KCNMA1: variants seen among roughly 807,000 people sequenced by gnomAD.
KCNMA1 encodes the protein Calcium-activated potassium channel subunit alpha-1.
A neutral mutation model predicts 140.0 loss-of-function variants in KCNMA1; 29 were observed. That is an observed-to-expected ratio of 0.21 (90% CI 0.15 to 0.28). KCNMA1 has a LOEUF of 0.28. Ranked by LOEUF, KCNMA1 falls within the 10% of genes least tolerant of loss-of-function variation. KCNMA1 has a pLI of 1.00. For synonymous variants in KCNMA1, 612 were observed against 611.9 expected (o/e 1.00, Z 0.00); for missense variants, 880 against 1,602.2 (o/e 0.55, Z 7.70).
At chr10:77,075,811 G>C (rs1270781852) in intron 13 of KCNMA1, among the ~76,000 whole-genome samples, 2 of 152,162 alleles carry the variant, frequency 1.3e-5, no homozygotes, top group Admixed American at 6.5e-5. Context: ...ACTGACCCAG[G>C]AACATAAATC....
At position 76,886,680 on chromosome 10, in the gene KCNMA1, C is replaced by T; in HGVS notation, c.*586G>A. On this transcript the variant is annotated 3_prime_UTR_variant, in exon 28 of 28. Coordinates refer to ENST00000286628, the MANE Select transcript of KCNMA1 (RefSeq NM_001161352.2). ...GATGTTCTCTTGCAACAAGCAGGTC[C>T]TTCATAATCATCTACACAAATCGTG... 1 of 993,998 alleles carries T rather than the reference C, an allele frequency of 1.0e-6. No individual in the cohort carries two copies. Among genetic ancestry groups the T allele is most frequent in the Non-Finnish European group, 1.2e-6 (1 of 834,890 alleles). 61.6% of individuals were successfully genotyped at this position (993,998 alleles called of 1,614,324 possible).
intron 1 of KCNMA1, among the ~76,000 whole-genome samples, chr10:77,460,345 GCTCA>G (rs150129301): frequency 1.1e-3 from 171 of 152,240 alleles, no homozygotes; most frequent in African/African-American, 4.0e-3. Flanking sequence ...TTCTCAAAGA[GCTCA>G]AAATAGAACT....
chr10:77,404,146 T>C (rs1183115092), intron 1 of KCNMA1, 123 bp from the exon 2 acceptor site: 8 of 865,524 alleles, frequency 9.2e-6, no homozygotes, highest in South Asian at 1.4e-5. Flanking sequence ...CTTAAAGGTA[T>C]AGGAGTAAAG....
At chr10:77,284,665 C>T (rs2070075148) in intron 2 of KCNMA1, among the ~76,000 whole-genome samples, 1 of 152,080 alleles carries the variant, frequency 6.6e-6, no homozygotes, top group African/African-American at 2.4e-5. Context: ...AGGCACATGG[C>T]ATCACACCCA....
intron 14 of KCNMA1, among the ~76,000 whole-genome samples, chr10:77,069,964 C>T (rs867554421): frequency 3.3e-5 from 5 of 152,124 alleles, no homozygotes; most frequent in East Asian, 1.9e-4. Flanking sequence ...TACAGGCATG[C>T]GCCACCAGGC....
chr10:77,156,891 C>G (rs2098492212), intron 5 of KCNMA1, among the ~76,000 whole-genome samples: 1 of 152,144 alleles, frequency 6.6e-6, no homozygotes, highest in Non-Finnish European at 1.5e-5. Context: ...GGTTTTACCC[C>G]CAAGCAATCA....
At chr10:77,574,937 C>T (rs2073464451) in intron 1 of KCNMA1, among the ~76,000 whole-genome samples, 1 of 152,096 alleles carries the variant, frequency 6.6e-6, no homozygotes, top group Non-Finnish European at 1.5e-5. Flanking sequence ...TTCAGGAGGC[C>T]CCAGGGCCTG....
intron 24 of KCNMA1, 25 bp from the exon 25 acceptor site, chr10:76,910,121 T>C (rs945077706): frequency 1.9e-6 from 3 of 1,612,768 alleles, no homozygotes; most frequent in Non-Finnish European, 1.7e-6. Flanking sequence ...AAATAAGAAT[T>C]AGCTCTGAAG....
At chr10:77,586,813 C>G (rs1026671611) in intron 1 of KCNMA1, among the ~76,000 whole-genome samples, 3 of 152,184 alleles carry the variant, frequency 2.0e-5, no homozygotes, top group African/African-American at 4.8e-5. Flanking sequence ...TAGGGAAGTA[C>G]AGAGAACTCT....
chr10:77,047,270 G>A (rs1326630889), intron 14 of KCNMA1, among the ~76,000 whole-genome samples: 1 of 152,184 alleles, frequency 6.6e-6, no homozygotes, highest in Non-Finnish European at 1.5e-5. Context: ...GAATGGACTT[G>A]AGCCAAATCT....
At chr10:77,343,527 T>C (rs1746485367) in intron 2 of KCNMA1, among the ~76,000 whole-genome samples, 1 of 152,142 alleles carries the variant, frequency 6.6e-6, no homozygotes, top group South Asian at 2.1e-4. Flanking sequence ...TTCCTGGCTG[T>C]TGGCATTCAT....
chr10:77,155,042 C>T (rs990059725), intron 5 of KCNMA1, among the ~76,000 whole-genome samples: 4 of 152,116 alleles, frequency 2.6e-5, no homozygotes, highest in African/African-American at 9.7e-5. Flanking sequence ...CCTGCCATTG[C>T]TGAGGCAGGG....
In KCNMA1 at chr10:77,546,178, G is replaced by A. The variant is rs1164573359; in HGVS notation, c.378+91087C>T. The stretch of plus-strand genomic sequence containing the variant: ...TTCTCATTTGGAGGAAAGTCTGTGT[G>A]GGGCTGGCTGTGATCACACACTTTC... On this transcript the variant is annotated intron_variant, in intron 1 of 27. Coordinates refer to ENST00000286628, the MANE Select transcript of KCNMA1 (RefSeq NM_001161352.2). Among the ~76,000 whole-genome samples the A allele has an allele frequency of 3.3e-5, 5 of 152,108 alleles. No individual in the cohort carries two copies. In the East Asian group the frequency reaches 9.7e-4, roughly 29 times the overall value.
Position 77,119,122 on chromosome 10 carries a change from G to A in KCNMA1, c.884+1851C>T, listed in dbSNP as rs374635882. Among the ~76,000 whole-genome samples the A allele has an allele frequency of 5.3e-5, 8 of 152,266 alleles. No homozygotes were observed. In the South Asian group the frequency reaches 1.2e-3, roughly 24 times the overall value. On this transcript the variant is annotated intron_variant, in intron 6 of 27. Coordinates refer to ENST00000286628, the MANE Select transcript of KCNMA1 (RefSeq NM_001161352.2). Reference sequence around the variant, plus strand: ...CCTGGCTGGCTGCTTCAGCTTCCCCGCTCTGCACTGAGAGAGGCAGCACTG... The same window carrying A: ...CCTGGCTGGCTGCTTCAGCTTCCCCACTCTGCACTGAGAGAGGCAGCACTG...
intron 2 of KCNMA1, among the ~76,000 whole-genome samples, chr10:77,332,983 T>C (rs2087089685): frequency 6.6e-6 from 1 of 152,222 alleles, no homozygotes; most frequent in Non-Finnish European, 1.5e-5. Context: ...ATTTTCTCTT[T>C]AAGCAAGGGG....
chr10:77,135,945 T>TA (rs1267522762), intron 5 of KCNMA1, among the ~76,000 whole-genome samples: 1 of 151,948 alleles, frequency 6.6e-6, no homozygotes, highest in Non-Finnish European at 1.5e-5. Context: ...AAAAATGCTT[T>TA]AAAAAATTAA....
intron 14 of KCNMA1, among the ~76,000 whole-genome samples, chr10:77,044,907 A>G (rs1188948194): frequency 1.3e-5 from 2 of 151,980 alleles, no homozygotes; most frequent in Non-Finnish European, 2.9e-5. Context: ...ATTTCGGGGA[A>G]TGGGGAGGAT....
chr10:77,435,616 T>G (rs968408177), intron 1 of KCNMA1, among the ~76,000 whole-genome samples: 2 of 152,206 alleles, frequency 1.3e-5, no homozygotes, highest in African/African-American at 4.8e-5. Context: ...ACCTGTGGTG[T>G]GGGGAAACCA....
intron 12 of KCNMA1, among the ~76,000 whole-genome samples, chr10:77,083,493 A>G (rs1418840509): frequency 7.5e-6 from 1 of 133,214 alleles, no homozygotes; most frequent in Non-Finnish European, 1.6e-5. Context: ...CCTCCCCTAG[A>G]TGTTCTGTAA....
Sources: gnomAD v4.1 joint callset for allele counts (sites outside exome capture counted in the v4.1 genomes callset) on GRCh38, gnomAD v4.1.1 for gene constraint, MANE v1.5 for transcripts, NCBI Gene and HGNC (gene_info 2026-07-23, HGNC 2026-07-21) for gene names.